CSMD3: variants seen among roughly 807,000 people sequenced by gnomAD.
CSMD3 encodes CUB and Sushi multiple domains 3, also known as CUB and sushi domain-containing protein 3.
A neutral mutation model predicts 435.2 loss-of-function variants in CSMD3; 177 were observed. The observed-to-expected ratio is 0.41, with a 90% confidence interval of 0.36 to 0.46. The LOEUF (loss-of-function observed/expected upper bound fraction) is 0.46. Ranked by LOEUF, CSMD3 falls within the 20% of genes least tolerant of loss-of-function variation. CSMD3 has a pLI of 0.34. For synonymous variants in CSMD3, 1,656 were observed against 1,520.5 expected (o/e 1.09, Z -2.07); for missense variants, 4,265 against 4,504.6 (o/e 0.95, Z 1.52).
At chr8:113,037,695 A>G (rs1296962452) in intron 5 of CSMD3, among the ~76,000 whole-genome samples, 9 of 152,166 alleles carry the variant, frequency 5.9e-5, no homozygotes, top group Admixed American at 4.6e-4. Flanking sequence ...CTATGCATCA[A>G]TATCTATCAA....
intron 3 of CSMD3, among the ~76,000 whole-genome samples, chr8:113,207,116 A>G (rs1300375147): frequency 9.9e-5 from 15 of 152,138 alleles, no homozygotes; most frequent in Non-Finnish European, 2.1e-4. Flanking sequence ...AATGTACACT[A>G]AACCACTAAT....
intron 5 of CSMD3, among the ~76,000 whole-genome samples, chr8:113,022,116 T>C (rs1381337747): frequency 2.0e-5 from 3 of 152,194 alleles, no homozygotes; most frequent in Admixed American, 2.0e-4. Flanking sequence ...AATAAATCTC[T>C]ATATCTCTGT....
At chr8:113,207,744 A>G (rs2092787928) in intron 3 of CSMD3, among the ~76,000 whole-genome samples, 1 of 152,162 alleles carries the variant, frequency 6.6e-6, no homozygotes, top group Non-Finnish European at 1.5e-5. Flanking sequence ...TTTTGAAGTA[A>G]AAAGAAAGAT....
At chr8:112,890,403 C>T (rs1221631237) in intron 10 of CSMD3, among the ~76,000 whole-genome samples, 2 of 151,584 alleles carry the variant, frequency 1.3e-5, no homozygotes, top group Non-Finnish European at 3.0e-5. Context: ...TTTTTCTTAA[C>T]CTATAATAGA....
intron 10 of CSMD3, among the ~76,000 whole-genome samples, chr8:112,897,416 T>C (rs2130391706): frequency 6.6e-6 from 1 of 151,472 alleles, no homozygotes; most frequent in African/African-American, 2.4e-5. Flanking sequence ...ATCATTACTC[T>C]AAGAGTGAAG....
At chr8:112,927,159 A>C (rs936114565) in intron 9 of CSMD3, among the ~76,000 whole-genome samples, 4 of 152,108 alleles carry the variant, frequency 2.6e-5, no homozygotes, top group Non-Finnish European at 4.4e-5. Context: ...AAAATGAGTA[A>C]TTGCACATTA....
Position 112,685,541 on chromosome 8 carries a change from G to A in CSMD3, c.2347C>T (p.Pro783Ser), listed in dbSNP as rs2131803830. Residue 783 changes from proline (P) to serine (S), a missense_variant, in exon 15 of 71, where the codon CCA (proline) becomes TCA (serine). Around this residue, in one of 3 missense-constraint regions of CSMD3, gnomAD observed 279 missense variants for 369.0 expected, o/e 0.76. Transcript: ENST00000297405. ...DFLAVKDGDS[P>S]ESPILGTFTG... is the part of the protein sequence containing the mutation. ...AAGGTTCCAAGAATTGGGGATTCTG[G>A]AGAGTCACCATCTTTAACAGCAAGG... 1 of 1,613,964 alleles carries A rather than the reference G, an allele frequency of 6.2e-7. No homozygotes were observed. Among genetic ancestry groups the A allele is most frequent in the Non-Finnish European group, 8.5e-7 (1 of 1,179,888 alleles).
At chr8:112,610,863 T>C (rs1833202360) in intron 22 of CSMD3, among the ~76,000 whole-genome samples, 1 of 152,142 alleles carries the variant, frequency 6.6e-6, no homozygotes, top group South Asian at 2.1e-4. Flanking sequence ...TGGCCTTCTC[T>C]TTGGCCAATG....
Position 112,638,798 on chromosome 8 carries a change from G to T in CSMD3, c.3424C>A (p.Pro1142Thr), listed in dbSNP as rs2074736583. The change falls in exon 21 of 71, where the codon CCT (proline) becomes ACT (threonine). Residue 1142 changes from proline (P) to threonine (T), a missense_variant. Coordinates refer to ENST00000297405, the MANE Select transcript of CSMD3 (RefSeq NM_198123.2). Reference sequence around the variant, plus strand: ...TAGAGACCAGCATTGATTGTTGGAGGAAGATCTGAACCAGTCAGGCGTGCC... The same window carrying T: ...TAGAGACCAGCATTGATTGTTGGAGTAAGATCTGAACCAGTCAGGCGTGCC... ...PLARLTGSDL[P>T]PTINAGLYGN... The T allele has an allele frequency of 6.2e-7, 1 of 1,612,362 alleles. No individual in the cohort carries two copies. The highest frequency in any genetic ancestry group is 8.5e-7 in the Non-Finnish European group (1 of 1,178,774).
chr8:112,869,987 T>A (rs756952686), intron 10 of CSMD3, among the ~76,000 whole-genome samples: 1 of 152,174 alleles, frequency 6.6e-6, no homozygotes. Context: ...CCATGGCACA[T>A]GTATAACTAT....
chr8:113,138,475 G>C (rs1391198756), intron 4 of CSMD3, among the ~76,000 whole-genome samples: 2 of 151,364 alleles, frequency 1.3e-5, no homozygotes, highest in Non-Finnish European at 3.0e-5. Flanking sequence ...GTAATATCTA[G>C]AGGTTAATTC....
intron 19 of CSMD3, among the ~76,000 whole-genome samples, chr8:112,649,204 C>T (rs2075059819): frequency 6.6e-6 from 1 of 152,184 alleles, no homozygotes; most frequent in Admixed American, 6.5e-5. Context: ...AGAGTTATCC[C>T]ACCTTGCCTT....
At chr8:112,385,044 C>A (rs535133513) in intron 36 of CSMD3, among the ~76,000 whole-genome samples, 1 of 152,018 alleles carries the variant, frequency 6.6e-6, no homozygotes, top group Non-Finnish European at 1.5e-5. Flanking sequence ...ATTTAGTGGA[C>A]CATGAGTAAT....
chr8:112,607,586 T>G (rs1009300010), intron 22 of CSMD3, among the ~76,000 whole-genome samples: 1 of 152,000 alleles, frequency 6.6e-6, no homozygotes, highest in Non-Finnish European at 1.5e-5. Flanking sequence ...CTAAAAAAAT[T>G]TTAACAAACC....
chr8:112,709,330 A>G (rs1404201044), intron 13 of CSMD3, among the ~76,000 whole-genome samples: 1 of 151,996 alleles, frequency 6.6e-6, no homozygotes, highest in East Asian at 1.9e-4. Context: ...GTGTACACAT[A>G]TTTTCTAAAG....
At chr8:113,187,187 G>C (rs888903442) in intron 3 of CSMD3, among the ~76,000 whole-genome samples, 1 of 149,298 alleles carries the variant, frequency 6.7e-6, no homozygotes, top group Non-Finnish European at 1.5e-5. Context: ...TTTTCACCCA[G>C]TAAATTCCAT....
chr8:112,503,952 A>G lies in CSMD3; in HGVS notation c.4921T>C (p.Phe1641Leu). The change falls in exon 30 of 71, where the codon TTC becomes CTC. Residue 1641 changes from phenylalanine (F) to leucine (L), a missense_variant. By Grantham distance (22) the Phe-to-Leu change is conservative (BLOSUM62 0). Coordinates refer to ENST00000297405, the MANE Select transcript of CSMD3 (RefSeq NM_198123.2). ...TCTGGTCCATCATAGATATAGAGGA[A>G]GTCATAGTTTGGTTCTATGCTAAAA... The part of the protein sequence containing the change: ...ISFSIEPNYD[F>L]LYIYDGPDSN... The G allele has an allele frequency of 6.2e-7, 1 of 1,609,204 alleles. No individual in the cohort carries two copies. The highest frequency in any genetic ancestry group is 2.2e-5 in the East Asian group (1 of 44,736).
intron 4 of CSMD3, among the ~76,000 whole-genome samples, chr8:113,113,265 C>T (rs1487300444): frequency 6.6e-6 from 1 of 152,146 alleles, no homozygotes; most frequent in Non-Finnish European, 1.5e-5. Context: ...ATAATCCAAT[C>T]ATCCATAGTC....
At chr8:112,909,347 TA>T (rs2082344754) in intron 10 of CSMD3, among the ~76,000 whole-genome samples, 1 of 151,644 alleles carries the variant, frequency 6.6e-6, no homozygotes, top group African/African-American at 2.4e-5. Context: ...AAATAACACT[TA>T]AAAATCTGTC....
Sources: gnomAD v4.1 joint callset for allele counts (sites outside exome capture counted in the v4.1 genomes callset) on GRCh38, gnomAD v4.1.1 for gene constraint, gnomAD v4.1.1 regional missense constraint, MANE v1.5 for transcripts, NCBI Gene and HGNC (gene_info 2026-07-23, HGNC 2026-07-21) for gene names.